The following MYO1H variants were observed in gnomAD, a reference collection of about 807,000 sequenced individuals.
MYO1H encodes the protein myosin IH.
In MYO1H, 118 loss-of-function variants were observed where a neutral mutation model predicts 149.3. The ratio of observed to expected loss-of-function variants is 0.79; its 90% CI spans 0.68 to 0.92. The LOEUF (loss-of-function observed/expected upper bound fraction) is 0.92, where lower values mean the gene tolerates loss of function less well. Among genes scored for constraint, MYO1H ranks in the 40% least tolerant of loss-of-function variants. The pLI is 0.00. For missense variants in MYO1H, 1,212 were observed against 1,280.7 expected (o/e 0.95, Z 0.82); for synonymous variants, 447 against 465.2 (o/e 0.96, Z 0.50).
intron 5 of MYO1H, among the ~76,000 whole-genome samples, chr12:109,400,014 C>T (rs1870093345): frequency 6.6e-6 from 1 of 152,206 alleles, no homozygotes; most frequent in Admixed American, 6.5e-5. Context: ...AGGTTCATTT[C>T]ACTGGTCATT....
intron 1 of MYO1H, among the ~76,000 whole-genome samples, chr12:109,369,533 TTAA>T (rs1461433440): frequency 2.0e-5 from 3 of 152,176 alleles, no homozygotes; most frequent in Non-Finnish European, 4.4e-5. Context: ...TGGATGGGTA[TTAA>T]TGATAATATT....
the MYO1H span, among the ~76,000 whole-genome samples, chr12:109,314,113 G>A: frequency 6.6e-6 from 1 of 151,974 alleles, no homozygotes; most frequent in African/African-American, 2.4e-5. Context: ...TAGAACTCCT[G>A]ACTTCAAGTG....
At chr12:109,424,810 C>G (rs746201850) in exon 17 of MYO1H, 1 of 1,613,674 alleles carries the variant, frequency 6.2e-7, no homozygotes, top group Admixed American at 1.7e-5. Context: ...AGTTAGAAAA[C>G]CGGAGGAGGC....
chr12:109,429,095 T>C (rs759630720), intron 19 of MYO1H, among the ~76,000 whole-genome samples: 2 of 152,172 alleles, frequency 1.3e-5, no homozygotes, highest in African/African-American at 4.8e-5. Flanking sequence ...TAATTCCAGC[T>C]ACTCAGGAGG....
the MYO1H span, among the ~76,000 whole-genome samples, chr12:109,314,607 G>A: frequency 2.6e-5 from 4 of 152,082 alleles, no homozygotes; most frequent in Admixed American, 6.6e-5. Flanking sequence ...CCCTGGCTGA[G>A]TGTTTCTGGA....
chr12:109,370,674 C>A (rs1244984295), intron 1 of MYO1H, among the ~76,000 whole-genome samples: 1 of 152,152 alleles, frequency 6.6e-6, no homozygotes, highest in Non-Finnish European at 1.5e-5. Flanking sequence ...GTTGATTTTC[C>A]TTCTTTAACC....
At chr12:109,372,816 A>C (rs1869009493) in intron 1 of MYO1H, among the ~76,000 whole-genome samples, 1 of 151,996 alleles carries the variant, frequency 6.6e-6, no homozygotes, top group Admixed American at 6.6e-5. Flanking sequence ...CAGTATTTTA[A>C]ATGGGACTTT....
At chr12:109,363,173 A>G (rs12822899) in intron 1 of MYO1H, among the ~76,000 whole-genome samples, 45,819 of 152,168 alleles carry the variant, frequency 0.3, 7,172 homozygotes, top group Admixed American at 0.41. Context: ...AAAAAATTAC[A>G]TGCTAGTTAA....
the MYO1H span, among the ~76,000 whole-genome samples, chr12:109,318,883 G>A: frequency 6.7e-6 from 1 of 150,086 alleles, no homozygotes; most frequent in East Asian, 2.0e-4. Flanking sequence ...TGTGAGAAAT[G>A]TACCATGGTA....
chr12:109,435,962 G>A (rs1156552491), intron 21 of MYO1H, among the ~76,000 whole-genome samples: 1 of 152,178 alleles, frequency 6.6e-6, no homozygotes, highest in African/African-American at 2.4e-5. Context: ...ATAGGATGTG[G>A]CTGCTCTGCA....
chr12:109,420,639 C>T (rs1359121497), intron 15 of MYO1H, among the ~76,000 whole-genome samples: 1 of 152,200 alleles, frequency 6.6e-6, no homozygotes, highest in African/African-American at 2.4e-5. Context: ...CCAGGCCCCT[C>T]TTCCAACATT....
At chr12:109,443,081 C>CATAT (rs1566044803) in intron 27 of MYO1H, among the ~76,000 whole-genome samples, 1 of 38,518 alleles carries the variant, frequency 2.6e-5, no homozygotes, top group Admixed American at 2.4e-4. Flanking sequence ...TATATGTGTA[C>CATAT]GTATGTGTGT....
intron 1 of MYO1H, among the ~76,000 whole-genome samples, chr12:109,361,440 T>C (rs1592779528): frequency 1.3e-5 from 2 of 152,314 alleles, no homozygotes; most frequent in South Asian, 4.1e-4. Context: ...CAAACTAGTT[T>C]CACAAAGTGA....
chr12:109,350,447 AC>A (rs1006498269), intron 1 of MYO1H, among the ~76,000 whole-genome samples: 1 of 143,962 alleles, frequency 6.9e-6, no homozygotes, highest in Non-Finnish European at 1.5e-5. Context: ...ATAAGGGGAA[AC>A]CCCCTTCGCT....
intron 19 of MYO1H, among the ~76,000 whole-genome samples, chr12:109,430,207 C>G (rs1390544425): frequency 6.6e-6 from 1 of 152,114 alleles, no homozygotes; most frequent in Non-Finnish European, 1.5e-5. Flanking sequence ...AGCTGAGAGG[C>G]CAGCGTGGCA....
chr12:109,447,432 T>TAAAC, exon 32 of MYO1H: 1 of 590,592 alleles, frequency 1.7e-6, no homozygotes, highest in South Asian at 2.0e-5. Context: ...GGCGCAATTC[T>TAAAC]AAACACCCTC....
chr12:109,342,889 C>T, the MYO1H span, among the ~76,000 whole-genome samples: 2 of 151,842 alleles, frequency 1.3e-5, no homozygotes, highest in Non-Finnish European at 2.9e-5. Flanking sequence ...CTGCCTCTTC[C>T]CAAATATTTT....
rs1285155634 is a variant in MYO1H, at chr12:109,364,222, C to CCAG, written c.12+16251_12+16253dup. 8.0e-5 allele frequency among the ~76,000 whole-genome samples: 12 copies of CCAG among 150,250 alleles called. No individual in the cohort carries two copies. In the East Asian group the frequency reaches 1.6e-3, roughly 20 times the overall value. On this transcript the variant is annotated intron_variant, in intron 1 of 31. Transcript: ENST00000310903. The stretch of plus-strand genomic sequence containing the variant: ...AAGAAGTGGGAACAGCATGGGCAAT[C>CCAG]CAGTACCTGTACCTCCTGCCTCATG...
intron 1 of MYO1H, among the ~76,000 whole-genome samples, chr12:109,361,813 CAAAAAAAAAAA>C (rs35915417): frequency 0.099 from 5,675 of 57,170 alleles, 137 homozygotes; most frequent in African/African-American, 0.16. Context: ...CCTTGTCTCA[CAAAAAAAAAAA>C]AAAAAAAAAA....
Sources: allele counts gnomAD v4.1 joint callset (sites outside exome capture counted in the v4.1 genomes callset), GRCh38; gene constraint gnomAD v4.1.1; transcripts MANE v1.5; gene names NCBI Gene and HGNC (gene_info 2026-07-23, HGNC 2026-07-21).